The following ARHGEF9 variants were observed in gnomAD, a reference collection of about 807,000 sequenced individuals.
ARHGEF9 encodes Cdc42 guanine nucleotide exchange factor 9.
Under a neutral mutation model 41.3 loss-of-function variants are expected in ARHGEF9, and 2 were observed. The ratio of observed to expected loss-of-function variants is 0.05; its 90% confidence interval spans 0.02 to 0.15. The LOEUF is 0.15. Ranked by LOEUF, ARHGEF9 falls within the 10% of genes least tolerant of loss-of-function variation. The pLI, the probability that ARHGEF9 is intolerant of heterozygous loss-of-function variation, is 1.00. For missense variants in ARHGEF9, 225 were observed against 424.7 expected (o/e 0.53, Z 4.13); for synonymous variants, 160 against 154.4 (o/e 1.04, Z -0.27).
intron 2 of ARHGEF9, chrX:63,709,204 C>A (rs1418017365): frequency 8.9e-6 from 1 of 112,359 alleles, no homozygotes; most frequent in African/African-American, 3.2e-5. Context: ...ATAGACAATG[C>A]CTGGAACATG....
At chrX:63,761,121 G>A (rs1384175819) in intron 1 of ARHGEF9, among the ~76,000 whole-genome samples, 3 of 111,221 alleles carry the variant, frequency 2.7e-5, no homozygotes, top group Non-Finnish European at 3.8e-5. Flanking sequence ...GTTACCGCCT[G>A]AGACCAAGGG....
chrX:63,774,451 A>G (rs2056257284), intron 1 of ARHGEF9, among the ~76,000 whole-genome samples: 1 of 111,586 alleles, frequency 9.0e-6, no homozygotes, highest in Admixed American at 9.6e-5. Context: ...ATCCTCCACT[A>G]CTTTGTTTCA....
At chrX:63,721,520 G>C (rs184343202) in intron 2 of ARHGEF9, among the ~76,000 whole-genome samples, 1 of 110,559 alleles carries the variant, frequency 9.0e-6, no homozygotes, top group African/African-American at 3.3e-5. Context: ...CCCTTAATTA[G>C]GCAGCAAGCT....
At chrX:63,754,847 A>G (rs1316652275) in intron 1 of ARHGEF9, 3 of 938,137 alleles carry the variant, frequency 3.2e-6, no homozygotes, top group Non-Finnish European at 4.0e-6. Flanking sequence ...TGAAGTCGGC[A>G]GAGTCCAGCA....
chrX:63,672,017 A>C (rs1556356189), intron 6 of ARHGEF9, among the ~76,000 whole-genome samples: 1 of 111,973 alleles, frequency 8.9e-6, no homozygotes, highest in African/African-American at 3.2e-5. Flanking sequence ...CATAAAATTC[A>C]CATGTTGAAA....
chrX:63,737,583 G>A (rs140196413), intron 1 of ARHGEF9, among the ~76,000 whole-genome samples: 8 of 112,288 alleles, frequency 7.1e-5, no homozygotes, highest in Non-Finnish European at 1.5e-4. Context: ...ATGGCTTTTG[G>A]GTTCCACTGG....
intron 9 of ARHGEF9, chrX:63,638,552 C>T (rs1422720674): frequency 5.4e-6 from 2 of 368,341 alleles, no homozygotes; most frequent in Non-Finnish European, 9.4e-6. Flanking sequence ...TTAGAACCTA[C>T]ATTCTTTGAC....
At chrX:63,674,935 G>A (rs1363743225) in intron 5 of ARHGEF9, among the ~76,000 whole-genome samples, 1 of 111,797 alleles carries the variant, frequency 8.9e-6, no homozygotes, top group Non-Finnish European at 1.9e-5. Context: ...AGATGACGGT[G>A]CTCCTGCTCT....
intron 5 of ARHGEF9, among the ~76,000 whole-genome samples, chrX:63,675,847 C>G (rs1438099860): frequency 9.0e-6 from 1 of 111,433 alleles, no homozygotes; most frequent in Non-Finnish European, 1.9e-5. Flanking sequence ...GAGATCTCAG[C>G]CATTCAGTGG....
chrX:63,770,401 A>G (rs111526223), intron 1 of ARHGEF9, among the ~76,000 whole-genome samples: 2 of 111,973 alleles, frequency 1.8e-5, no homozygotes, highest in African/African-American at 6.5e-5. Flanking sequence ...TTTACCCAAT[A>G]CCTGTACCCC....
intron 2 of ARHGEF9, among the ~76,000 whole-genome samples, chrX:63,720,584 A>T (rs1382293163): frequency 8.9e-6 from 1 of 112,598 alleles, no homozygotes; most frequent in Admixed American, 9.4e-5. Context: ...AACTTATTAG[A>T]CAAAGACTGT....
At chrX:63,782,209 T>A (rs1202660885) in intron 1 of ARHGEF9, among the ~76,000 whole-genome samples, 1 of 111,834 alleles carries the variant, frequency 8.9e-6, no homozygotes, top group Non-Finnish European at 1.9e-5. Flanking sequence ...TAGATCAGTG[T>A]CATTTCATAG....
At chrX:63,638,528 C>A in intron 9 of ARHGEF9, 1 of 388,592 alleles carries the variant, frequency 2.6e-6, no homozygotes, top group East Asian at 3.8e-5. Context: ...GGTAAGTTAG[C>A]GACAAAGCAA....
chrX:63,656,573 A>C (rs2048891136), intron 7 of ARHGEF9: 1 of 111,722 alleles, frequency 9.0e-6, no homozygotes, highest in African/African-American at 3.3e-5. Flanking sequence ...ACTCCAAGGC[A>C]TCCTCCATCC....
chrX:63,721,636 G>A (rs1419750011), intron 2 of ARHGEF9, among the ~76,000 whole-genome samples: 1 of 110,911 alleles, frequency 9.0e-6, no homozygotes, highest in Non-Finnish European at 1.9e-5. Flanking sequence ...TAGACAAAAG[G>A]AGGCCCACCA....
chrX:63,645,447 C>G (rs782369928), intron 8 of ARHGEF9, among the ~76,000 whole-genome samples: 1 of 111,065 alleles, frequency 9.0e-6, no homozygotes, highest in Admixed American at 9.6e-5. Context: ...TCTCATTGTT[C>G]AATTCCTACC....
intron 1 of ARHGEF9, among the ~76,000 whole-genome samples, chrX:63,732,983 G>A (rs2054404222): frequency 9.0e-6 from 1 of 111,417 alleles, no homozygotes; most frequent in East Asian, 2.8e-4. Context: ...CTCTCTCTCT[G>A]CCTCTTTCAG....
intron 8 of ARHGEF9, among the ~76,000 whole-genome samples, chrX:63,654,454 A>G (rs1456937772): frequency 3.6e-5 from 4 of 111,780 alleles, no homozygotes; most frequent in Non-Finnish European, 7.5e-5. Context: ...TCATGTCCCA[A>G]TGGAGTGTCC....
At position 63,637,678 on chromosome X, in the gene ARHGEF9, G is replaced by A; in HGVS notation, c.*350C>T. On this transcript the variant is annotated 3_prime_UTR_variant, in exon 10 of 10. Coordinates refer to ENST00000671741, the MANE Select transcript of ARHGEF9 (RefSeq NM_001353921.2). ...TAAAGAGATTATCTTAACAAGAAAA[G>A]CAATGAATAGAAATGTCAACTTCTG... 1 of 207,856 alleles carries A rather than the reference G, an allele frequency of 4.8e-6. No homozygotes were observed. Among genetic ancestry groups the A allele is most frequent in the South Asian group, 2.1e-4 (1 of 4,680 alleles). The allele number at this position is 207,856 out of a possible 1,213,427, so 17.1% of individuals were successfully genotyped here.
Sources: gnomAD v4.1 joint callset for allele counts (sites outside exome capture counted in the v4.1 genomes callset) on GRCh38, gnomAD v4.1.1 for gene constraint, MANE v1.5 for transcripts, NCBI Gene and HGNC (gene_info 2026-07-23, HGNC 2026-07-21) for gene names.